Variants in CDK2AP1 observed in about 807,000 individuals in gnomAD.
The protein encoded by CDK2AP1 is cyclin-dependent kinase 2-associated protein 1.
Under a neutral mutation model 14.1 loss-of-function variants are expected in CDK2AP1, and 10 were observed. The observed-to-expected ratio is 0.71, with a 90% CI of 0.44 to 1.20. The LOEUF is 1.20. Ranked by LOEUF, CDK2AP1 falls within the 50% of genes most tolerant of loss-of-function variation. The pLI is 0.00. For synonymous variants in CDK2AP1, 59 were observed against 59.8 expected (o/e 0.99, Z 0.06); for missense variants, 102 against 149.9 (o/e 0.68, Z 1.67).
intron 1 of CDK2AP1, chr12:123,270,963 G>A: frequency 2.0e-6 from 2 of 984,864 alleles, no homozygotes; most frequent in Non-Finnish European, 2.4e-6. Flanking sequence ...GGGCCTCCGA[G>A]TACGCTGCCC....
At chr12:123,270,266 G>C (rs1164685858) in intron 1 of CDK2AP1, 3 of 868,462 alleles carry the variant, frequency 3.5e-6, no homozygotes, top group Non-Finnish European at 4.1e-6. Flanking sequence ...TGCTCTTTGG[G>C]ACTCCGAGCC....
intron 1 of CDK2AP1, among the ~76,000 whole-genome samples, chr12:123,268,926 C>T (rs1281122456): frequency 6.6e-6 from 1 of 152,188 alleles, no homozygotes; most frequent in African/African-American, 2.4e-5. Flanking sequence ...TGATCCTGGT[C>T]ACTACACCTC....
At chr12:123,271,448 C>T (rs904554111) in intron 1 of CDK2AP1, 116 bp downstream of exon 1, 1 of 401,604 alleles carries the variant, frequency 2.5e-6, no homozygotes, top group Non-Finnish European at 3.4e-6. Flanking sequence ...CGGGCCGGGA[C>T]CCTGAGCCCC....
intron 1 of CDK2AP1, 53 bp from the exon 2 acceptor site, chr12:123,267,335 G>A: frequency 8.9e-7 from 1 of 1,122,694 alleles, no homozygotes; most frequent in Non-Finnish European, 1.4e-6. Context: ...TTGTACCAAG[G>A]CAAGGACTCC....
upstream of CDK2AP1, chr12:123,271,951 C>T (rs1390917840): frequency 6.8e-6 from 1 of 146,744 alleles, no homozygotes; most frequent in Non-Finnish European, 1.5e-5. Context: ...TCCGGGTGCG[C>T]TCGGCGCCCG....
chr12:123,269,866 G>C (rs2048338310), intron 1 of CDK2AP1, among the ~76,000 whole-genome samples: 3 of 152,138 alleles, frequency 2.0e-5, no homozygotes, highest in Non-Finnish European at 4.4e-5. Context: ...AGGGGAGCTG[G>C]GGTTCTGCAA....
chr12:123,270,826 C>A, intron 1 of CDK2AP1: 1 of 985,340 alleles, frequency 1.0e-6, no homozygotes, highest in Non-Finnish European at 1.2e-6. Context: ...ACTGCCCCCA[C>A]GCCCGCGCGC....
intron 1 of CDK2AP1, among the ~76,000 whole-genome samples, chr12:123,269,755 C>T (rs1233248493): frequency 1.3e-5 from 2 of 152,148 alleles, no homozygotes; most frequent in African/African-American, 4.8e-5. Context: ...CTTGGCAACC[C>T]GTGAACAGGA....
In CDK2AP1 at chr12:123,265,549, C is replaced by CAG. The variant is rs1313807301; in HGVS notation, c.154-229_154-228dup. Among the ~76,000 whole-genome samples, 2 of 151,634 alleles carry CAG rather than the reference C, an allele frequency of 1.3e-5. No homozygotes were observed. The highest frequency in any genetic ancestry group is 2.4e-5 in the African/African-American group (1 of 41,294). On this transcript the variant is annotated intron_variant, in intron 2 of 3. Transcript: ENST00000261692. The surrounding 1 kb of genome is among the most constrained non-coding windows in gnomAD (Gnocchi z 5.3). ...GTTCAGCAGCCTGACCCCAAGGCCA[C>CAG]AGGCAGGTGGGTGGAGAGGGCCCCG...
intron 1 of CDK2AP1, chr12:123,270,990 T>C: frequency 1.0e-6 from 1 of 983,774 alleles, no homozygotes; most frequent in Non-Finnish European, 1.2e-6. Context: ...GACCCCATCC[T>C]GGTCCCAGTC....
intron 1 of CDK2AP1, among the ~76,000 whole-genome samples, chr12:123,269,841 G>C (rs1340105132): frequency 6.6e-6 from 1 of 152,098 alleles, no homozygotes; most frequent in Non-Finnish European, 1.5e-5. Flanking sequence ...GTCCATCTTG[G>C]ATGCAAATGG....
upstream of CDK2AP1, chr12:123,271,899 C>G (rs1175410781): frequency 6.8e-6 from 1 of 146,420 alleles, no homozygotes; most frequent in Non-Finnish European, 1.5e-5. Flanking sequence ...GGGGGCGGCC[C>G]GGCGTCAGGG....
intron 3 of CDK2AP1, 168 bp from the exon 4 acceptor site, chr12:123,261,971 A>C: frequency 1.8e-6 from 1 of 554,162 alleles, no homozygotes; most frequent in Non-Finnish European, 3.2e-6. Context: ...GACGCTAACA[A>C]TCCCATCCCT....
At chr12:123,270,983 C>A in intron 1 of CDK2AP1, 1 of 984,848 alleles carries the variant, frequency 1.0e-6, no homozygotes, top group Non-Finnish European at 1.2e-6. Context: ...CGCCGGCGAC[C>A]CCATCCTGGT....
intron 1 of CDK2AP1, chr12:123,269,285 AG>A (rs1326368536): frequency 1.3e-5 from 2 of 152,500 alleles, no homozygotes; most frequent in African/African-American, 4.8e-5. Context: ...TACTGGGGTT[AG>A]GTTTTGCAGG....
intron 1 of CDK2AP1, chr12:123,268,316 G>A: frequency 1.3e-6 from 1 of 798,968 alleles, no homozygotes. Context: ...CTTGGTGTGG[G>A]TGAGGGGAGG....
chr12:123,268,226 C>G, intron 1 of CDK2AP1: 1 of 985,472 alleles, frequency 1.0e-6, no homozygotes, highest in Non-Finnish European at 1.2e-6. Flanking sequence ...GTCTCTCTCT[C>G]ACACACACAG....
intron 1 of CDK2AP1, among the ~76,000 whole-genome samples, chr12:123,270,547 T>A (rs1011110832): frequency 2.6e-5 from 4 of 152,058 alleles, no homozygotes; most frequent in Non-Finnish European, 4.4e-5. Flanking sequence ...GAAGTCTGTT[T>A]CCGACCAAGT....
Position 123,265,046 on chromosome 12 carries a change from TCCA to T in CDK2AP1, c.280+147_280+149del. On this transcript the variant is annotated intron_variant, in intron 3 of 3. Transcript: ENST00000261692. This position sits in a 1 kb window ranked among gnomAD's most constrained non-coding sequence, Gnocchi z 5.3. The stretch of plus-strand genomic sequence containing the variant: ...CCAGACCCATCGCCTGCCTGAGGCC[TCCA>T]CCACAGACGGCAACTCTGTAACAAG... The T allele has an allele frequency of 8.9e-7, 1 of 1,125,232 alleles. No homozygotes were observed. Among genetic ancestry groups the T allele is most frequent in the East Asian group, 2.4e-5 (1 of 42,064 alleles). The allele number at this position is 1,125,232 out of a possible 1,614,324, so 69.7% of individuals were successfully genotyped here.
Sources: allele counts gnomAD v4.1 joint callset (sites outside exome capture counted in the v4.1 genomes callset), GRCh38; gene constraint gnomAD v4.1.1; non-coding constraint Gnocchi (gnomAD v3.1); transcripts MANE v1.5; gene names NCBI Gene and HGNC (gene_info 2026-07-23, HGNC 2026-07-21).